DSG2: variants seen among roughly 807,000 people sequenced by gnomAD.
DSG2 encodes desmoglein 2.
In DSG2, 45 loss-of-function variants were observed where a neutral mutation model predicts 75.6. That is an observed-to-expected ratio of 0.60 (90% CI 0.47 to 0.76). The LOEUF is 0.76. Among genes scored for constraint, DSG2 ranks in the 30% least tolerant of loss-of-function variants. DSG2 has a pLI of 0.00. For synonymous variants in DSG2, 429 were observed against 483.9 expected (o/e 0.89, Z 1.49); for missense variants, 1,267 against 1,357.4 (o/e 0.93, Z 1.05).
intron 9 of DSG2, among the ~76,000 whole-genome samples, chr18:31,534,094 A>G (rs2073214315): frequency 6.7e-6 from 1 of 149,414 alleles, no homozygotes; most frequent in Admixed American, 6.8e-5. Flanking sequence ...GGGTTCAAGC[A>G]GTTCTGCTTC....
intron 2 of DSG2, among the ~76,000 whole-genome samples, chr18:31,518,497 A>G (rs954908775): frequency 6.6e-6 from 1 of 152,216 alleles, no homozygotes; most frequent in Non-Finnish European, 1.5e-5. Flanking sequence ...TTTATGGTAC[A>G]TGAAAGAATG....
rs111824359 is a variant in DSG2, at chr18:31,504,142, G to A, written c.45+5846G>A. 4.4e-3 allele frequency among the ~76,000 whole-genome samples: 665 copies of A among 152,244 alleles called. 1 individual carries two copies. The highest frequency in any genetic ancestry group is 6.0e-3 in the Non-Finnish European group (409 of 68,014). On this transcript the variant is annotated intron_variant, in intron 1 of 14. Transcript: ENST00000261590. Reference sequence around the variant, plus strand: ...CAAGCACTGTTCCAGGTCTCACCTCGAAATCACACCTGACTGTGGATTATT... The same window carrying A: ...CAAGCACTGTTCCAGGTCTCACCTCAAAATCACACCTGACTGTGGATTATT...
At chr18:31,508,566 G>A (rs1448633267) in intron 1 of DSG2, among the ~76,000 whole-genome samples, 1 of 151,776 alleles carries the variant, frequency 6.6e-6, no homozygotes, top group Admixed American at 6.6e-5. Context: ...GCTAATTTTT[G>A]TATTTTTAGT....
intron 6 of DSG2, 198 bp downstream of exon 6, chr18:31,522,447 A>C: frequency 1.8e-6 from 1 of 557,900 alleles, no homozygotes; most frequent in Non-Finnish European, 3.2e-6. Context: ...ACTGGCCCAA[A>C]TTGTAATGTG....
At position 31,546,451 on chromosome 18, in the gene DSG2, T is replaced by C. The variant is rs2073311300; in HGVS notation, c.3065T>C (p.Phe1022Ser). The C allele has an allele frequency of 6.2e-7, 1 of 1,613,998 alleles. No homozygotes were observed. Among genetic ancestry groups the C allele is most frequent in the Non-Finnish European group, 8.5e-7 (1 of 1,180,014 alleles). ...PYVMVRERES[F>S]LAPSSGVQPT... ...GTCATGGTGAGGGAAAGAGAGAGCT[T>C]CCTTGCCCCCAGCTCAGGTGTGCAG... Residue 1022 changes from phenylalanine (F) to serine (S), a missense_variant, in exon 15 of 15, where the codon TTC becomes TCC. Phe to Ser is a radical substitution (Grantham distance 155, BLOSUM62 -2). Transcript: ENST00000261590.
At chr18:31,540,327 A>C (rs1567932169) in intron 12 of DSG2, among the ~76,000 whole-genome samples, 1 of 152,164 alleles carries the variant, frequency 6.6e-6, no homozygotes, top group Non-Finnish European at 1.5e-5. Flanking sequence ...TTATACCATC[A>C]TCTCCATGCT....
chr18:31,518,655 TAATG>T (rs1178120873), intron 2 of DSG2, among the ~76,000 whole-genome samples: 3 of 152,196 alleles, frequency 2.0e-5, no homozygotes, highest in Non-Finnish European at 4.4e-5. Context: ...ATCAAGCTGT[TAATG>T]AATACTTTGT....
At chr18:31,502,478 A>G (rs1598801224) in intron 1 of DSG2, among the ~76,000 whole-genome samples, 1 of 152,250 alleles carries the variant, frequency 6.6e-6, no homozygotes, top group African/African-American at 2.4e-5. Context: ...GGCTGGGCAC[A>G]GTGGCTCACG....
In DSG2 at chr18:31,542,647, A is replaced by C. The variant is rs894083126; in HGVS notation, c.2129A>C (p.Glu710Ala). Residue 710 changes from glutamate to alanine, a missense_variant, in exon 14 of 15, where the codon GAG becomes GCG. By Grantham distance (107) the Glu-to-Ala change is moderately radical. Transcript: ENST00000261590. ...GCTTCCATTGTCAAAGGGCAACATG[A>C]GATGTCCGAGATGGATGGAAGGTGG... ...SSASIVKGQH[E>A]MSEMDGRWEE... 3.1e-6 allele frequency: 5 copies of C among 1,614,098 alleles called. No individual in the cohort carries two copies. The highest frequency in any genetic ancestry group is 1.1e-5 in the South Asian group (1 of 91,088).
intron 1 of DSG2, among the ~76,000 whole-genome samples, chr18:31,517,454 CA>C (rs1456429214): frequency 1.3e-5 from 2 of 152,108 alleles, no homozygotes; most frequent in Non-Finnish European, 2.9e-5. Context: ...ATGTTTCTAG[CA>C]TAATGAAAAG....
chr18:31,532,240 T>C (rs2073202971), intron 9 of DSG2, among the ~76,000 whole-genome samples: 1 of 152,202 alleles, frequency 6.6e-6, no homozygotes, highest in Admixed American at 6.5e-5. Context: ...TGCTGTCTGC[T>C]TCCAAGATGG....
Position 31,524,601 on chromosome 18 carries a change from CTAA to C in DSG2, c.828+20_828+22del, listed in dbSNP as rs1568106673. 1.9e-6 allele frequency: 3 copies of C among 1,610,714 alleles called. No individual in the cohort carries two copies. The highest frequency in any genetic ancestry group is 2.5e-6 in the Non-Finnish European group (3 of 1,177,450). ...AAATAAAGTGGTAACTATTATTCTT[CTAA>C]TAACTGTACCTATTTATTTATATTT... On this transcript the variant is annotated intron_variant, in intron 7 of 14. Transcript: ENST00000261590.
At position 31,510,305 on chromosome 18, in the gene DSG2, C is replaced by T. The variant is rs1359749719; in HGVS notation, c.46-7934C>T. 3.9e-5 allele frequency among the ~76,000 whole-genome samples: 6 copies of T among 152,190 alleles called. No individual in the cohort carries two copies. In the East Asian group the frequency reaches 1.2e-3, roughly 29 times the overall value. On this transcript the variant is annotated intron_variant, in intron 1 of 14. Coordinates refer to ENST00000261590, the MANE Select transcript of DSG2 (RefSeq NM_001943.5). Reference sequence around the variant, plus strand: ...AAACTAATTTGTATTTCTCTACATCCATTTTTAATAAGGTATCTCTTAGTC... The same window carrying T: ...AAACTAATTTGTATTTCTCTACATCTATTTTTAATAAGGTATCTCTTAGTC...
chr18:31,534,191 T>G (rs2073214720), intron 9 of DSG2, among the ~76,000 whole-genome samples: 1 of 152,160 alleles, frequency 6.6e-6, no homozygotes, highest in Non-Finnish European at 1.5e-5. Context: ...TTTTAACCTG[T>G]TGGTCAGGCT....
At chr18:31,523,304 G>A (rs970658122) in intron 6 of DSG2, among the ~76,000 whole-genome samples, 3 of 152,154 alleles carry the variant, frequency 2.0e-5, no homozygotes, top group African/African-American at 7.2e-5. Flanking sequence ...GGGAGGCTGA[G>A]GCAGGAGAAT....
Position 31,538,966 on chromosome 18 carries a change from C to T in DSG2, c.1867C>T (p.Leu623=), listed in dbSNP as rs1456806722. ...AATTGCGCTCATGATTTTGGCCTTTCTGCTCCTGCTATGTAAGTCTTTAAA... is the reference window on the plus strand; with the variant it reads ...AATTGCGCTCATGATTTTGGCCTTTTTGCTCCTGCTATGTAAGTCTTTAAA... ...AAIALMILAF[L]LLLLVPLLLL... The change falls in exon 12 of 15, where the codon CTG becomes TTG. Residue 623 remains leucine (L), a synonymous_variant. Transcript: ENST00000261590. 1 of 1,613,540 alleles carries T rather than the reference C, an allele frequency of 6.2e-7. No individual in the cohort carries two copies. Among genetic ancestry groups the T allele is most frequent in the Admixed American group, 1.7e-5 (1 of 60,026 alleles).
At position 31,546,979 on chromosome 18, in the gene DSG2, C is replaced by T; in HGVS notation, c.*236C>T. ...AGAGATGATGCTGCTGCTTAGGTGC[C>T]TTTTAGCAAGCTATGCAAACAATCC... On this transcript the variant is annotated 3_prime_UTR_variant, in exon 15 of 15. Transcript: ENST00000261590. 1 of 587,054 alleles carries T rather than the reference C, an allele frequency of 1.7e-6. No homozygotes were observed. The highest frequency in any genetic ancestry group is 3.1e-6 in the Non-Finnish European group (1 of 327,740). The allele number at this position is 587,054 out of a possible 1,614,324, so 36.4% of individuals were successfully genotyped here.
At position 31,536,378 on chromosome 18, in the gene DSG2, A is replaced by G; in HGVS notation, c.1600A>G (p.Ile534Val). ...PNSGPFSFSVIDKPPGMAEKW... is the reference protein window; with the variant it reads ...PNSGPFSFSVVDKPPGMAEKW... ...CAGTGGCCCTTTCAGTTTCTCCGTC[A>G]TTGACAAACCACCTGGCATGGCAGA... is the stretch of plus-strand genomic sequence containing the variant. Residue 534 changes from isoleucine to valine, a missense_variant, in exon 11 of 15, where the codon ATT becomes GTT. Physicochemically the swap from Ile to Val is conservative, Grantham distance 29. Coordinates refer to ENST00000261590, the MANE Select transcript of DSG2 (RefSeq NM_001943.5). 1 of 1,614,200 alleles carries G rather than the reference A, an allele frequency of 6.2e-7. No homozygotes were observed. Among genetic ancestry groups the G allele is most frequent in the Non-Finnish European group, 8.5e-7 (1 of 1,180,036 alleles).
intron 1 of DSG2, among the ~76,000 whole-genome samples, chr18:31,515,210 C>T (rs1425364420): frequency 2.0e-5 from 3 of 152,182 alleles, no homozygotes; most frequent in Admixed American, 6.5e-5. Context: ...TCACGCCATT[C>T]TCCTGCCTCA....
Sources: allele counts gnomAD v4.1 joint callset (sites outside exome capture counted in the v4.1 genomes callset), GRCh38; gene constraint gnomAD v4.1.1; transcripts MANE v1.5; gene names NCBI Gene and HGNC (gene_info 2026-07-23, HGNC 2026-07-21).